The following NEMF variants were observed in gnomAD, a reference collection of about 807,000 sequenced individuals.
The protein encoded by NEMF is ribosome quality control complex subunit NEMF.
In NEMF, 89 loss-of-function variants were observed where a neutral mutation model predicts 162.2. That is an observed-to-expected ratio of 0.55 (90% CI 0.46 to 0.65). The LOEUF is 0.65. Among genes scored for constraint, NEMF ranks in the 30% least tolerant of loss-of-function variants. The pLI is 0.00. For missense variants in NEMF, 1,133 were observed against 1,261.9 expected (o/e 0.90, Z 1.55); for synonymous variants, 421 against 404.5 (o/e 1.04, Z -0.49).
At chr14:49,848,161 C>T (rs1396361187) in intron 3 of NEMF, among the ~76,000 whole-genome samples, 1 of 152,126 alleles carries the variant, frequency 6.6e-6, no homozygotes, top group Non-Finnish European at 1.5e-5. Context: ...TGCCACTGTG[C>T]CCAGCTTATT....
chr14:49,789,239 C>G lies in NEMF; in HGVS notation c.2802G>C (p.Arg934Ser), dbSNP rs781025991. ...TTTCTTTCTTAATGTTGTCAGAGAC[C>G]CTCTGTCCACCTCTAGGTTTCTGGG... ...KQPQKPRGGQ[R>S]VSDNIKKETP... is the part of the protein sequence containing the mutation. The change falls in exon 28 of 33, where the codon AGG becomes AGC. Residue 934 changes from arginine to serine, a missense_variant. By Grantham distance (110) the Arg-to-Ser change is moderately radical. Around this residue, in one of 3 missense-constraint regions of NEMF, gnomAD observed 532 missense variants for 578.6 expected, o/e 0.92. Transcript: ENST00000298310. The G allele has an allele frequency of 5.0e-6, 8 of 1,613,832 alleles. No homozygotes were observed. In the East Asian group the frequency reaches 1.8e-4, roughly 36 times the overall value.
At chr14:49,787,632 C>A (rs551193284) in intron 28 of NEMF, among the ~76,000 whole-genome samples, 21 of 152,310 alleles carry the variant, frequency 1.4e-4, no homozygotes, top group Admixed American at 3.9e-4. Flanking sequence ...CCTCTTAATA[C>A]CATCACACTG....
In NEMF at chr14:49,783,271, G is replaced by T. The variant is rs1438029796; in HGVS notation, c.*1365C>A. ...ATAGTCTTACCATCATCAAAATGCT[G>T]AAGTCATTTTTTGAAAACATTATAG... On this transcript the variant is annotated 3_prime_UTR_variant, in exon 33 of 33. Transcript: ENST00000298310. 2 of 175,068 alleles carry T rather than the reference G, an allele frequency of 1.1e-5. No homozygotes were observed. Among genetic ancestry groups the T allele is most frequent in the East Asian group, 1.4e-4 (1 of 7,070 alleles). The allele number at this position is 175,068 out of a possible 1,614,324, so 10.8% of individuals were successfully genotyped here. A position where few individuals can be genotyped will look rare whatever the true frequency, so the allele number is the denominator to read the frequency against.
chr14:49,847,633 T>C (rs1594812382), intron 3 of NEMF, among the ~76,000 whole-genome samples: 1 of 152,026 alleles, frequency 6.6e-6, no homozygotes, highest in East Asian at 1.9e-4. Flanking sequence ...ATATCAACTA[T>C]GGACCATGAG....
At chr14:49,821,261 T>TG (rs1400187653) in intron 16 of NEMF, among the ~76,000 whole-genome samples, 17 of 6,296 alleles carry the variant, frequency 2.7e-3, no homozygotes, top group African/African-American at 2.9e-3. Context: ...GGGAGGGAGG[T>TG]GGGGGGCTCA....
chr14:49,809,730 C>T (rs933387871), intron 18 of NEMF, among the ~76,000 whole-genome samples: 3 of 152,006 alleles, frequency 2.0e-5, no homozygotes, highest in Non-Finnish European at 2.9e-5. Context: ...TGTGGTGGCA[C>T]GTGCCTGTTA....
intron 16 of NEMF, among the ~76,000 whole-genome samples, chr14:49,819,827 C>G (rs1891908271): frequency 6.6e-6 from 1 of 152,182 alleles, no homozygotes; most frequent in Admixed American, 6.5e-5. Flanking sequence ...TTGTGAGCAT[C>G]TAGTCCAGTG....
intron 8 of NEMF, 80 bp from the exon 9 acceptor site, chr14:49,832,357 G>A (rs184896287): frequency 1.2e-4 from 113 of 959,610 alleles, no homozygotes; most frequent in Admixed American, 3.4e-4. Context: ...TGATACAGTC[G>A]CGCTCGCTCC....
Position 49,843,385 on chromosome 14 carries a change from A to G in NEMF, c.358-2519T>C, listed in dbSNP as rs557300668. ...GGTGCACATCTGTGGTACCAGCTACATGAAAGGCTAAGGCAAGAGGGTCAC... is the reference window on the plus strand; with the variant it reads ...GGTGCACATCTGTGGTACCAGCTACGTGAAAGGCTAAGGCAAGAGGGTCAC... On this transcript the variant is annotated intron_variant, in intron 4 of 32. Coordinates refer to ENST00000298310, the MANE Select transcript of NEMF (RefSeq NM_004713.6). Among the ~76,000 whole-genome samples, 155 of 152,226 alleles carry G rather than the reference A, an allele frequency of 1.0e-3. 1 individual carries two copies. The highest frequency in any genetic ancestry group is 3.6e-3 in the African/African-American group (150 of 41,548).
chr14:49,846,406 G>C lies in NEMF; in HGVS notation c.232-141C>G, dbSNP rs533137022. The C allele has an allele frequency of 1.0e-5, 7 of 694,834 alleles. No homozygotes were observed. The South Asian group carries it at 1.3e-4, about 13-fold the overall frequency. The allele number at this position is 694,834 out of a possible 1,614,324, so 43.0% of individuals were successfully genotyped here. On this transcript the variant is annotated intron_variant, in intron 3 of 32. Coordinates refer to ENST00000298310, the MANE Select transcript of NEMF (RefSeq NM_004713.6). ...ATAACAGTATAGTCATAAAGTAATA[G>C]ATTGCAGATGATAATCAGAGGGAAA... is the stretch of plus-strand genomic sequence containing the variant.
Position 49,785,013 on chromosome 14 carries a change from AC to A in NEMF, c.3074-10del, listed in dbSNP as rs746183212. 1.2e-6 allele frequency: 2 copies of A among 1,612,346 alleles called. No individual in the cohort carries two copies. Among genetic ancestry groups the A allele is most frequent in the Non-Finnish European group, 1.7e-6 (2 of 1,178,498 alleles). Reference sequence around the variant, plus strand: ...CAAGGCTGTTTTTGCAGCTGTAAATACAAAAAAGAGTAAGAATAATCTACTG... The same window carrying A: ...CAAGGCTGTTTTTGCAGCTGTAAATAAAAAAAGAGTAAGAATAATCTACTG... On this transcript the variant is annotated splice_polypyrimidine_tract_variant and intron_variant, in intron 31 of 32. Coordinates refer to ENST00000298310, the MANE Select transcript of NEMF (RefSeq NM_004713.6).
chr14:49,802,122 T>C lies in NEMF; in HGVS notation c.2095+331A>G, dbSNP rs145950591. The stretch of plus-strand genomic sequence containing the variant: ...ATAGGCGCTCACAACGCCTGGGTGA[T>C]TTTTTTGGTAGAGATGGTTTTGCCA... On this transcript the variant is annotated intron_variant, in intron 22 of 32. Transcript: ENST00000298310. Among the ~76,000 whole-genome samples, 7 of 151,974 alleles carry C rather than the reference T, an allele frequency of 4.6e-5. No homozygotes were observed. In the East Asian group the frequency reaches 7.7e-4, roughly 17 times the overall value.
chr14:49,852,488 G>A (rs1388880492), intron 1 of NEMF, among the ~76,000 whole-genome samples: 2 of 152,270 alleles, frequency 1.3e-5, no homozygotes, highest in African/African-American at 4.8e-5. Flanking sequence ...GAGGACGCGG[G>A]GGATGGGGCA....
At chr14:49,823,048 T>G (rs1485167401) in intron 16 of NEMF, among the ~76,000 whole-genome samples, 3 of 151,834 alleles carry the variant, frequency 2.0e-5, no homozygotes, top group Non-Finnish European at 4.4e-5. Flanking sequence ...GTGATTCTTG[T>G]GTCTCAGCCT....
At chr14:49,794,163 G>A (rs924641631) in intron 26 of NEMF, among the ~76,000 whole-genome samples, 4 of 151,762 alleles carry the variant, frequency 2.6e-5, no homozygotes, top group Admixed American at 2.6e-4. Flanking sequence ...ACATGCTGTT[G>A]TAAAAATTCT....
chr14:49,796,198 T>C (rs1287224478), intron 25 of NEMF: 7 of 544,398 alleles, frequency 1.3e-5, no homozygotes, highest in Non-Finnish European at 2.1e-5. Context: ...CCCTGACTCA[T>C]CCTTACTCAC....
intron 1 of NEMF, among the ~76,000 whole-genome samples, 155 bp downstream of exon 1, chr14:49,852,534 TCACGGG>T (rs1893831834): frequency 6.6e-6 from 1 of 152,072 alleles, no homozygotes; most frequent in Non-Finnish European, 1.5e-5. Context: ...ATCCTAAGGG[TCACGGG>T]AAAGACACCA....
At chr14:49,823,572 T>C (rs1393730685) in intron 16 of NEMF, among the ~76,000 whole-genome samples, 2 of 151,868 alleles carry the variant, frequency 1.3e-5, no homozygotes, top group Non-Finnish European at 2.9e-5. Flanking sequence ...ACGATAGACT[T>C]GAAAATAGAA....
chr14:49,820,645 C>T (rs1891960115), intron 16 of NEMF, among the ~76,000 whole-genome samples: 1 of 152,234 alleles, frequency 6.6e-6, no homozygotes, highest in Admixed American at 6.5e-5. Flanking sequence ...CCTCCCCCTT[C>T]CACGGTCTCC....
Sources: gnomAD v4.1 joint callset for allele counts (sites outside exome capture counted in the v4.1 genomes callset) on GRCh38, gnomAD v4.1.1 for gene constraint, gnomAD v4.1.1 regional missense constraint, MANE v1.5 for transcripts, NCBI Gene and HGNC (gene_info 2026-07-23, HGNC 2026-07-21) for gene names.